Variants in FAM240A observed in about 807,000 individuals in gnomAD.
The protein encoded by FAM240A is protein FAM240A.
FAM240A carries 8 observed loss-of-function variants against 7.3 expected under a neutral mutation model. The observed-to-expected ratio is 1.09, with a 90% CI of 0.64 to 1.97. The LOEUF is 1.97. FAM240A is among the 30% of genes most tolerant of loss of function. The pLI is 0.00. For synonymous variants in FAM240A, 32 were observed against 35.9 expected (o/e 0.89, Z 0.38); for missense variants, 90 against 102.2 (o/e 0.88, Z 0.52).
Position 46,618,882 on chromosome 3 carries a change from TACAC to T in FAM240A, c.161+1588_161+1591del, listed in dbSNP as rs748467427. ...ATATATATATGTATATATATATATATACACACACACACACACACACACACACACA... is the reference window on the plus strand; with the variant it reads ...ATATATATATGTATATATATATATATACACACACACACACACACACACACA... On this transcript the variant is annotated intron_variant, in intron 2 of 2. Coordinates refer to ENST00000640551, the MANE Select transcript of FAM240A (RefSeq NM_001195442.2). Among the ~76,000 whole-genome samples the T allele has an allele frequency of 3.1e-3, 238 of 77,170 alleles. 2 individuals are homozygous for T. Among genetic ancestry groups the T allele is most frequent in the South Asian group, 0.022 (53 of 2,380 alleles). The allele number at this position is 77,170 out of a possible 152,430, so 50.6% of individuals were successfully genotyped here.
At chr3:46,618,222 G>A (rs1407989308) in intron 2 of FAM240A, among the ~76,000 whole-genome samples, 1 of 152,198 alleles carries the variant, frequency 6.6e-6, no homozygotes, top group African/African-American at 2.4e-5. Context: ...GAGCCCTAGA[G>A]GGGAACCCAG....
At chr3:46,618,880 T>TACAC (rs774721572) in intron 2 of FAM240A, among the ~76,000 whole-genome samples, 5 of 83,108 alleles carry the variant, frequency 6.0e-5, no homozygotes, top group East Asian at 6.1e-4. Flanking sequence ...TATATATATA[T>TACAC]ATACACACAC....
chr3:46,616,485 C>T (rs1012343838), intron 1 of FAM240A, among the ~76,000 whole-genome samples: 7 of 152,134 alleles, frequency 4.6e-5, no homozygotes, highest in African/African-American at 1.7e-4. Flanking sequence ...TATCCCTAAC[C>T]TCTTTCCTTC....
intron 2 of FAM240A, among the ~76,000 whole-genome samples, chr3:46,623,090 C>T (rs1697715484): frequency 6.6e-6 from 1 of 152,058 alleles, no homozygotes; most frequent in Non-Finnish European, 1.5e-5. Flanking sequence ...TATCTTTTGT[C>T]AGATTTACCT....
At chr3:46,622,686 C>T (rs1210095064) in intron 2 of FAM240A, among the ~76,000 whole-genome samples, 3 of 152,128 alleles carry the variant, frequency 2.0e-5, no homozygotes, top group Non-Finnish European at 4.4e-5. Flanking sequence ...ATTAATAACT[C>T]ATCTATGTGT....
At chr3:46,617,066 G>T in intron 1 of FAM240A, 117 bp from the exon 2 acceptor site, 1 of 672,992 alleles carries the variant, frequency 1.5e-6, no homozygotes, top group Non-Finnish European at 2.4e-6. Flanking sequence ...AAGGTGGATT[G>T]GAGTAAGATG....
chr3:46,616,775 T>A (rs1697634727), intron 1 of FAM240A, among the ~76,000 whole-genome samples: 1 of 152,132 alleles, frequency 6.6e-6, no homozygotes, highest in South Asian at 2.1e-4. Flanking sequence ...GCACTTAGTT[T>A]GACTCCATAT....
chr3:46,612,946 A>C lies in FAM240A; in HGVS notation c.15+248A>C, dbSNP rs570979570. Among the ~76,000 whole-genome samples, 4 of 152,330 alleles carry C rather than the reference A, an allele frequency of 2.6e-5. No individual in the cohort carries two copies. In the East Asian group the frequency reaches 7.7e-4, roughly 29 times the overall value. ...GGAGGAGCAGTTGTCCTCATTGTAG[A>C]CACCAGGAAACCGAAACACAAATAC... On this transcript the variant is annotated intron_variant, in intron 1 of 2. Transcript: ENST00000640551.
At chr3:46,613,901 TATTAG>T (rs1013880263) in intron 1 of FAM240A, among the ~76,000 whole-genome samples, 1 of 151,840 alleles carries the variant, frequency 6.6e-6, no homozygotes, top group African/African-American at 2.4e-5. Flanking sequence ...AAGGATGGGG[TATTAG>T]ATATTTGTTT....
intron 1 of FAM240A, among the ~76,000 whole-genome samples, chr3:46,613,693 C>T (rs1290173833): frequency 6.6e-6 from 1 of 152,098 alleles, no homozygotes; most frequent in African/African-American, 2.4e-5. Flanking sequence ...TTCCTGCACC[C>T]TGGGTGCTCC....
At chr3:46,615,631 G>T (rs1464103962) in intron 1 of FAM240A, among the ~76,000 whole-genome samples, 1 of 152,072 alleles carries the variant, frequency 6.6e-6, no homozygotes, top group African/African-American at 2.4e-5. Context: ...AATCCTCTCT[G>T]GGGCATGCCA....
chr3:46,616,463 T>A (rs1490910182), intron 1 of FAM240A, among the ~76,000 whole-genome samples: 1 of 152,208 alleles, frequency 6.6e-6, no homozygotes, highest in Non-Finnish European at 1.5e-5. Flanking sequence ...TGGCACCCAA[T>A]AAGTGACATT....
intron 2 of FAM240A, among the ~76,000 whole-genome samples, chr3:46,621,354 T>TAA (rs35457559): frequency 0.66 from 100,145 of 151,754 alleles, 33,211 homozygotes; most frequent in Non-Finnish European, 0.7. Context: ...GACTTTATAT[T>TAA]GTCTGTTAAT....
intron 1 of FAM240A, among the ~76,000 whole-genome samples, chr3:46,616,940 T>C (rs1429798999): frequency 6.6e-6 from 1 of 152,212 alleles, no homozygotes; most frequent in East Asian, 1.9e-4. Context: ...TCCATACTGT[T>C]TTCCAAAGAG....
chr3:46,618,882 TAC>T (rs748467427), intron 2 of FAM240A, among the ~76,000 whole-genome samples: 2,526 of 77,048 alleles, frequency 0.033, 26 homozygotes, highest in Non-Finnish European at 0.046. Context: ...TATATATATA[TAC>T]ACACACACAC....
At chr3:46,615,717 C>T (rs1697620419) in intron 1 of FAM240A, among the ~76,000 whole-genome samples, 1 of 152,212 alleles carries the variant, frequency 6.6e-6, no homozygotes, top group Non-Finnish European at 1.5e-5. Context: ...ACATCTGCAG[C>T]CCCTGCTTTT....
intron 2 of FAM240A, among the ~76,000 whole-genome samples, chr3:46,620,102 C>T (rs1697677876): frequency 6.6e-6 from 1 of 151,890 alleles, no homozygotes; most frequent in Non-Finnish European, 1.5e-5. Flanking sequence ...CCACCCCCAT[C>T]AATTCTCCTC....
chr3:46,620,782 C>T (rs939987799), intron 2 of FAM240A, among the ~76,000 whole-genome samples: 2 of 151,116 alleles, frequency 1.3e-5, no homozygotes, highest in African/African-American at 4.8e-5. Context: ...ATTCAACCAA[C>T]CTAACGTTCA....
rs137999277 is a variant in FAM240A at position 46,615,850 on chromosome 3, G to GCGCACA, written c.16-1332_16-1331insGCACAC. On this transcript the variant is annotated intron_variant, in intron 1 of 2. Transcript: ENST00000640551. Reference sequence around the variant, plus strand: ...CACACAAGAGCCCACATGTGTGCACGCACACACACACACACACACCTCAAA... The same window carrying GCGCACA: ...CACACAAGAGCCCACATGTGTGCACGCGCACACACACACACACACACACACCTCAAA... Among the ~76,000 whole-genome samples the GCGCACA allele has an allele frequency of 2.9e-4, 44 of 150,336 alleles. 2 individuals carry two copies. The highest frequency in any genetic ancestry group is 9.5e-4 in the African/African-American group (39 of 41,022).
Sources: gnomAD v4.1 joint callset for allele counts (sites outside exome capture counted in the v4.1 genomes callset) on GRCh38, gnomAD v4.1.1 for gene constraint, MANE v1.5 for transcripts, NCBI Gene and HGNC (gene_info 2026-07-23, HGNC 2026-07-21) for gene names.